Variants in PTGER3 observed in about 807,000 individuals in gnomAD.
PTGER3 encodes prostaglandin E2 receptor EP3 subtype.
Under a neutral mutation model 34.7 loss-of-function variants are expected in PTGER3, and 22 were observed. The observed-to-expected ratio is 0.63, with a 90% confidence interval of 0.45 to 0.91. The LOEUF (loss-of-function observed/expected upper bound fraction) is 0.91, where lower values mean the gene tolerates loss of function less well. Among genes scored for constraint, PTGER3 ranks in the 40% least tolerant of loss-of-function variants. The probability of loss-of-function intolerance (pLI) is 0.00; values close to 1 mark genes in which losing one functional copy is unlikely to be tolerated. For missense variants in PTGER3, 468 were observed against 519.4 expected, an observed-to-expected ratio of 0.90 and a Z score of 0.96; for synonymous variants, 241 against 230.1, an observed-to-expected ratio of 1.05 and a Z score of -0.43.
downstream of PTGER3, among the ~76,000 whole-genome samples, chr1:70,948,098 A>G (rs1010387320): frequency 6.6e-6 from 1 of 152,124 alleles, no homozygotes. Context: ...CTGCATAGGG[A>G]CAGTAACTGC....
At chr1:70,967,826 T>G (rs1302481775), downstream of PTGER3, among the ~76,000 whole-genome samples, 1 of 152,334 alleles carries the variant, frequency 6.6e-6, no homozygotes, top group Admixed American at 6.5e-5. Context: ...TTCTTTTAGA[T>G]ACTAAAAACA....
chr1:70,996,884 G>A (rs558578357), intron 2 of PTGER3, among the ~76,000 whole-genome samples: 7 of 152,112 alleles, frequency 4.6e-5, no homozygotes, highest in African/African-American at 1.7e-4. Flanking sequence ...GGATGGTCTC[G>A]ATCTCCTGAC....
At chr1:70,905,038 G>T (rs1270203823) in intron 4 of PTGER3, among the ~76,000 whole-genome samples, 1 of 152,138 alleles carries the variant, frequency 6.6e-6, no homozygotes, top group Non-Finnish European at 1.5e-5. Context: ...AGCTGCTCCA[G>T]TTGTGGCTTA....
At chr1:70,948,243 A>G (rs1219673795), downstream of PTGER3, among the ~76,000 whole-genome samples, 2 of 152,002 alleles carry the variant, frequency 1.3e-5, no homozygotes, top group African/African-American at 2.4e-5. Flanking sequence ...AGTGGGAGGT[A>G]ATTGAATCAT....
At chr1:70,974,882 AAC>A (rs1557702403) in intron 2 of PTGER3, among the ~76,000 whole-genome samples, 1 of 152,130 alleles carries the variant, frequency 6.6e-6, no homozygotes, top group South Asian at 2.1e-4. Context: ...GAACATTATG[AAC>A]AGTGTCATCC....
chr1:70,983,178 C>G (rs997875406), intron 2 of PTGER3, among the ~76,000 whole-genome samples: 2 of 151,670 alleles, frequency 1.3e-5, no homozygotes, highest in Non-Finnish European at 2.9e-5. Flanking sequence ...AGAGACCTGT[C>G]AGGTGACAGC....
intron 2 of PTGER3, chr1:71,007,996 C>T (rs1657114642): frequency 1.0e-6 from 1 of 985,176 alleles, no homozygotes; most frequent in Non-Finnish European, 1.2e-6. Flanking sequence ...AGCAGACTTA[C>T]TACACAACAG....
At chr1:70,885,918 T>C (rs1200302956) in intron 4 of PTGER3, among the ~76,000 whole-genome samples, 1 of 152,152 alleles carries the variant, frequency 6.6e-6, no homozygotes, top group Non-Finnish European at 1.5e-5. Context: ...GAAAAAATAA[T>C]ACTGTCCTTT....
rs529207830 is a variant in PTGER3 at position 71,008,472 on chromosome 1, C to T, written c.1077+3833G>A. 8.8e-6 allele frequency: 8 copies of T among 907,536 alleles called. No individual in the cohort carries two copies. In the East Asian group the frequency reaches 9.5e-4, roughly 108 times the overall value. 56.2% of individuals were successfully genotyped at this position (907,536 alleles called of 1,614,324 possible). A position where few individuals can be genotyped will look rare whatever the true frequency, so the allele number is the denominator to read the frequency against. The stretch of plus-strand genomic sequence containing the variant: ...GGGAATATATCAAATAAAATATTTT[C>T]CCTAATTCTTTTATCATCATCACCA... On this transcript the variant is annotated intron_variant, in intron 2 of 3. Coordinates refer to ENST00000306666, the MANE Select transcript of PTGER3 (RefSeq NM_198719.2).
At chr1:70,962,793 C>T (rs1023068358) in intron 2 of PTGER3, among the ~76,000 whole-genome samples, 1 of 152,178 alleles carries the variant, frequency 6.6e-6, no homozygotes, top group African/African-American at 2.4e-5. Context: ...CAGATCATAT[C>T]ATTCCACTCT....
chr1:70,933,877 C>T (rs1272628324), intron 4 of PTGER3, among the ~76,000 whole-genome samples: 2 of 152,000 alleles, frequency 1.3e-5, no homozygotes, highest in East Asian at 1.9e-4. Flanking sequence ...CCCTGTCCCC[C>T]AAATGGTGAC....
intron 2 of PTGER3, among the ~76,000 whole-genome samples, chr1:70,959,737 T>A (rs1651731499): frequency 6.6e-6 from 1 of 152,138 alleles, no homozygotes; most frequent in Non-Finnish European, 1.5e-5. Context: ...GAGATTTTTA[T>A]TCAATTTTTT....
chr1:71,047,342 C>T lies in PTGER3; in HGVS notation c.236G>A (p.Arg79His), dbSNP rs1177606767. ...GGACTTCTTGCGCTTGCTCTCCCGG[C>T]GCCGGTAGCTGCGCGACACGAGCAG... ...AMLLVSRSYR[R>H]RESKRKKSFL... The change falls in exon 1 of 4, where the codon CGC becomes CAC. Residue 79 changes from arginine (R) to histidine (H), a missense_variant. Physicochemically the swap from Arg to His is conservative, Grantham distance 29 (BLOSUM62 0). Around this residue, in one of 5 missense-constraint regions of PTGER3, gnomAD observed 151 missense variants for 133.5 expected, o/e 1.13. Coordinates refer to ENST00000306666, the MANE Select transcript of PTGER3 (RefSeq NM_198719.2). 3 of 1,608,124 alleles carry T rather than the reference C, an allele frequency of 1.9e-6. No individual in the cohort carries two copies. The highest frequency in any genetic ancestry group is 2.5e-6 in the Non-Finnish European group (3 of 1,178,022).
chr1:71,012,161 G>A (rs1657499819), intron 2 of PTGER3, 144 bp downstream of exon 2: 2 of 1,562,796 alleles, frequency 1.3e-6, no homozygotes, highest in African/African-American at 1.4e-5. Context: ...TCACAGTAAG[G>A]TTTAGCGATA....
At chr1:70,930,055 T>A (rs543342628) in intron 4 of PTGER3, among the ~76,000 whole-genome samples, 1 of 152,332 alleles carries the variant, frequency 6.6e-6, no homozygotes, top group African/African-American at 2.4e-5. Flanking sequence ...TACATTCATA[T>A]CAAAAGGTGA....
At chr1:70,936,380 A>G (rs763681980) in intron 4 of PTGER3, among the ~76,000 whole-genome samples, 11 of 152,228 alleles carry the variant, frequency 7.2e-5, no homozygotes, top group Non-Finnish European at 1.6e-4. Flanking sequence ...TGCAGAGAGC[A>G]GGCACAGCAA....
At chr1:70,952,104 G>A (rs1650816948), downstream of PTGER3, among the ~76,000 whole-genome samples, 1 of 152,098 alleles carries the variant, frequency 6.6e-6, no homozygotes, top group South Asian at 2.1e-4. Context: ...AGAAGTATTA[G>A]GAGCAGGTGT....
chr1:71,047,222 C>T lies in PTGER3; in HGVS notation c.356G>A (p.Arg119His). 6.3e-7 allele frequency: 1 copy of T among 1,597,216 alleles called. No individual in the cohort carries two copies. The highest frequency in any genetic ancestry group is 2.3e-5 in the East Asian group (1 of 44,084). ...VVIVVYLSKQ[R>H]WEHIDPSGRL... ...CCCCGACGGGTCGATGTGCTCCCAA[C>T]GCTGCTTGGACAGGTACACGACGAT... Residue 119 changes from arginine to histidine, a missense_variant, in exon 1 of 4, where the codon CGT (arginine) becomes CAT (histidine). Physicochemically the swap from Arg to His is conservative, Grantham distance 29. Coordinates refer to ENST00000306666, the MANE Select transcript of PTGER3 (RefSeq NM_198719.2).
chr1:70,986,793 C>A (rs762271865), intron 2 of PTGER3, among the ~76,000 whole-genome samples: 1 of 152,130 alleles, frequency 6.6e-6, no homozygotes, highest in Non-Finnish European at 1.5e-5. Flanking sequence ...CTGGGAGAAA[C>A]CATGAAAGAC....
Sources: allele counts gnomAD v4.1 joint callset (sites outside exome capture counted in the v4.1 genomes callset), GRCh38; gene constraint gnomAD v4.1.1; regional missense constraint gnomAD v4.1.1; transcripts MANE v1.5; gene names NCBI Gene and HGNC (gene_info 2026-07-23, HGNC 2026-07-21).